Variants in MBP observed in about 807,000 individuals in gnomAD.
MBP encodes the protein Golli-MBP.
MBP carries 16 observed loss-of-function variants against 35.8 expected under a neutral mutation model. The ratio of observed to expected loss-of-function variants is 0.45; its 90% CI spans 0.30 to 0.68. The LOEUF is 0.68. MBP is among the 30% of genes least tolerant of loss of function. The pLI is 0.08. For missense variants in MBP, 380 were observed against 404.7 expected (o/e 0.94, Z 0.52); for synonymous variants, 143 against 159.6 (o/e 0.90, Z 0.78).
intron 2 of MBP, among the ~76,000 whole-genome samples, chr18:77,083,822 C>A (rs1169815717): frequency 6.6e-6 from 1 of 152,020 alleles, no homozygotes; most frequent in Non-Finnish European, 1.5e-5. Flanking sequence ...AAGAAGTGAG[C>A]CGGTGATTGC....
intron 4 of MBP, among the ~76,000 whole-genome samples, chr18:76,993,520 A>C (rs1239772215): frequency 6.7e-6 from 1 of 148,588 alleles, no homozygotes; most frequent in Non-Finnish European, 1.5e-5. Context: ...ACTGCACTTC[A>C]GCCTGGGCGA....
At chr18:77,084,431 CCACACACACACACA>C (rs60010988) in intron 2 of MBP, among the ~76,000 whole-genome samples, 1 of 105,886 alleles carries the variant, frequency 9.4e-6, no homozygotes, top group African/African-American at 3.5e-5. Context: ...CCACACCACA[CCACACACACACACA>C]CACACACACA....
At chr18:77,128,785 C>A (rs1457967214) in intron 1 of MBP, among the ~76,000 whole-genome samples, 2 of 152,150 alleles carry the variant, frequency 1.3e-5, no homozygotes, top group South Asian at 2.1e-4. Context: ...TGCACACAGA[C>A]CAGGTTTTCC....
chr18:76,994,071 GTTC>G (rs1330361267), intron 4 of MBP, among the ~76,000 whole-genome samples: 7 of 152,174 alleles, frequency 4.6e-5, no homozygotes, highest in Admixed American at 3.9e-4. Context: ...AGCCTTGTAC[GTTC>G]TTCTCCTCCA....
intron 7 of MBP, chr18:76,987,127 G>A (rs1322213765): frequency 1.2e-5 from 12 of 985,358 alleles, no homozygotes; most frequent in Middle Eastern, 5.2e-4. Flanking sequence ...GGGGCAGAAC[G>A]GCCTGTGTGC....
chr18:77,059,682 A>T lies in MBP; in HGVS notation c.139+6616T>A, dbSNP rs538686260. On this transcript the variant is annotated intron_variant, in intron 3 of 8. Coordinates refer to ENST00000355994, the MANE Select transcript of MBP (RefSeq NM_001025101.2). ...TGCAAAAGCAGACATGGATCTTGAGAAGCCATTTGGTATGTCCACTTCAGT... is the reference window on the plus strand; with the variant it reads ...TGCAAAAGCAGACATGGATCTTGAGTAGCCATTTGGTATGTCCACTTCAGT... 5.9e-5 allele frequency among the ~76,000 whole-genome samples: 9 copies of T among 152,332 alleles called. No homozygotes were observed. In the South Asian group the frequency reaches 1.9e-3, roughly 32 times the overall value.
chr18:77,039,853 C>A (rs73968258), intron 3 of MBP, among the ~76,000 whole-genome samples: 2 of 152,292 alleles, frequency 1.3e-5, no homozygotes, highest in African/African-American at 4.8e-5. Flanking sequence ...GATGCCCAGC[C>A]CCTGTCCGGT....
At chr18:77,053,089 A>G (rs1385785152) in intron 3 of MBP, among the ~76,000 whole-genome samples, 6 of 152,258 alleles carry the variant, frequency 3.9e-5, no homozygotes, top group Non-Finnish European at 7.3e-5. Context: ...TCCCCGTGAT[A>G]GGCCAGCGTG....
chr18:77,093,983 T>TC lies in MBP; in HGVS notation c.51+11227_51+11228insG, dbSNP rs571787872. 2.2e-3 allele frequency among the ~76,000 whole-genome samples: 317 copies of TC among 145,908 alleles called. 2 individuals are homozygous for TC. Among genetic ancestry groups the TC allele is most frequent in the Admixed American group, 4.0e-3 (60 of 14,914 alleles). On this transcript the variant is annotated intron_variant, in intron 2 of 8. Transcript: ENST00000355994. ...TTTTTAAAGGGTCTTTTTTTCTTCT[T>TC]TTTTTTTTTTTGACACGGAGTCTCG...
At chr18:77,110,241 T>C (rs1272307803) in intron 1 of MBP, 1 of 152,206 alleles carries the variant, frequency 6.6e-6, no homozygotes, top group African/African-American at 2.4e-5. Context: ...TCCTAAATTA[T>C]TAATCAATAC....
intron 3 of MBP, among the ~76,000 whole-genome samples, chr18:77,019,408 A>G (rs567861559): frequency 4.6e-5 from 7 of 152,328 alleles, no homozygotes; most frequent in Admixed American, 1.3e-4. Flanking sequence ...ACAGATGCAC[A>G]GGGGAGAGGT....
At chr18:77,082,352 CCG>C (rs919385182) in intron 2 of MBP, among the ~76,000 whole-genome samples, 2 of 152,116 alleles carry the variant, frequency 1.3e-5, no homozygotes, top group African/African-American at 4.8e-5. Flanking sequence ...TCGCAAAAAC[CCG>C]CCTTTTCATG....
chr18:77,075,526 G>A (rs191516116), intron 2 of MBP, among the ~76,000 whole-genome samples: 13 of 152,318 alleles, frequency 8.5e-5, no homozygotes, highest in Middle Eastern at 3.4e-3. Flanking sequence ...CTCCCAGGGT[G>A]GGGGAGAGGA....
At chr18:77,055,566 T>G (rs1465800097) in intron 3 of MBP, among the ~76,000 whole-genome samples, 1 of 151,412 alleles carries the variant, frequency 6.6e-6, no homozygotes, top group African/African-American at 2.4e-5. Context: ...CATCCTTCCT[T>G]CCTTTTCTTT....
At chr18:77,006,184 T>C (rs1264570844) in intron 4 of MBP, 1 of 152,300 alleles carries the variant, frequency 6.6e-6, no homozygotes, top group East Asian at 1.9e-4. Context: ...GAAGCCTCCA[T>C]GGGCGCCAAG....
intron 3 of MBP, among the ~76,000 whole-genome samples, chr18:77,019,846 G>C (rs954383206): frequency 5.3e-5 from 8 of 152,182 alleles, no homozygotes; most frequent in Non-Finnish European, 1.2e-4. Flanking sequence ...ATCGGCTCCC[G>C]GTGGCGGAAG....
chr18:77,010,515 C>T (rs952195150), intron 4 of MBP, among the ~76,000 whole-genome samples: 6 of 152,138 alleles, frequency 3.9e-5, no homozygotes, highest in African/African-American at 7.2e-5. Flanking sequence ...GGACCTTTTC[C>T]GATTTTCTGC....
intron 3 of MBP, among the ~76,000 whole-genome samples, chr18:77,027,275 G>A (rs910723852): frequency 6.6e-6 from 1 of 152,204 alleles, no homozygotes; most frequent in Non-Finnish European, 1.5e-5. Context: ...GGAAGAGCCT[G>A]TCCTCAGGAT....
chr18:76,989,085 G>A lies in MBP; in HGVS notation c.682-173C>T, dbSNP rs2123126571. 1 of 732,402 alleles carries A rather than the reference G, an allele frequency of 1.4e-6. No homozygotes were observed. Among genetic ancestry groups the A allele is most frequent in the East Asian group, 2.6e-5 (1 of 38,828 alleles). 45.4% of individuals were successfully genotyped at this position (732,402 alleles called of 1,614,324 possible). A position where few individuals can be genotyped will look rare whatever the true frequency, so the allele number is the denominator to read the frequency against. ...GGTGAAGAAGTATAGACCTGAGATT[G>A]AAAATATTCTAGATGATGCAGATCT... On this transcript the variant is annotated intron_variant, in intron 5 of 8. Coordinates refer to ENST00000355994, the MANE Select transcript of MBP (RefSeq NM_001025101.2). This position sits in a 1 kb window ranked among gnomAD's most constrained non-coding sequence, Gnocchi z 4.0.
Sources: allele counts gnomAD v4.1 joint callset (sites outside exome capture counted in the v4.1 genomes callset), GRCh38; gene constraint gnomAD v4.1.1; non-coding constraint Gnocchi (gnomAD v3.1); transcripts MANE v1.5; gene names NCBI Gene and HGNC (gene_info 2026-07-23, HGNC 2026-07-21).